Variants in NRSN2 observed in about 807,000 individuals in gnomAD.
NRSN2 encodes neurensin-2.
A neutral mutation model predicts 11.1 loss-of-function variants in NRSN2; 10 were observed. That is an observed-to-expected ratio of 0.90 (90% CI 0.56 to 1.53). The LOEUF (loss-of-function observed/expected upper bound fraction) is 1.53, where lower values mean the gene tolerates loss of function less well. Among genes scored for constraint, NRSN2 ranks in the 40% most tolerant of loss-of-function variants. The pLI, the probability that NRSN2 is intolerant of heterozygous loss-of-function variation, is 0.00. For synonymous variants in NRSN2, 100 were observed against 117.0 expected, an observed-to-expected ratio of 0.86 and a Z score of 0.94; for missense variants, 260 against 273.7, an observed-to-expected ratio of 0.95 and a Z score of 0.35.
At position 353,198 on chromosome 20, in the gene NRSN2, G is replaced by T; in HGVS notation, c.190-12G>T. 6.2e-7 allele frequency: 1 copy of T among 1,612,004 alleles called. No homozygotes were observed. Among genetic ancestry groups the T allele is most frequent in the Non-Finnish European group, 8.5e-7 (1 of 1,179,460 alleles). On this transcript the variant is annotated splice_polypyrimidine_tract_variant and intron_variant, in intron 4 of 4. Coordinates refer to ENST00000382285, the MANE Select transcript of NRSN2 (RefSeq NM_001323682.2). ...ACCCTGACTGCTTCCTGGTCTGTCTGCTTCTCCCTAGATCAGCCTGTCCTC... is the reference window on the plus strand; with the variant it reads ...ACCCTGACTGCTTCCTGGTCTGTCTTCTTCTCCCTAGATCAGCCTGTCCTC...
Position 353,813 on chromosome 20 carries a change from C to A in NRSN2, c.*178C>A. The A allele has an allele frequency of 1.6e-6, 1 of 620,272 alleles. No individual in the cohort carries two copies. The highest frequency in any genetic ancestry group is 3.3e-5 in the Admixed American group (1 of 30,714). The allele number at this position is 620,272 out of a possible 1,614,324, so 38.4% of individuals were successfully genotyped here. ...CCCCAGGAGTGGGGCCCCAACTCTT[C>A]CAAGATACCAGCATTCCTCAAGTCC... On this transcript the variant is annotated 3_prime_UTR_variant, in exon 5 of 5. Transcript: ENST00000382285.
intron 4 of NRSN2, among the ~76,000 whole-genome samples, chr20:350,830 C>T (rs924340122): frequency 2.0e-5 from 3 of 152,070 alleles, no homozygotes; most frequent in Non-Finnish European, 4.4e-5. Flanking sequence ...GTGCCCCTAC[C>T]CTGGTAGCCT....
intron 4 of NRSN2, 23 bp from the exon 5 acceptor site, chr20:353,187 C>T: frequency 6.2e-7 from 1 of 1,608,856 alleles, no homozygotes. Flanking sequence ...TGACTGCTTC[C>T]TGGTCTGTCT....
In NRSN2 at chr20:353,384, C is replaced by T. The variant is rs768279364; in HGVS notation, c.364C>T (p.Leu122Phe). The T allele has an allele frequency of 6.2e-7, 1 of 1,613,914 alleles. No individual in the cohort carries two copies. Reference sequence around the variant, plus strand: ...CACCTGTCGCCTGGCAGGCACAGCGCTCTGTGTGGCAGCTGGAGTTCTGCT... The same window carrying T: ...CACCTGTCGCCTGGCAGGCACAGCGTTCTGTGTGGCAGCTGGAGTTCTGCT... The part of the protein sequence containing the change: ...LGTCRLAGTA[L>F]CVAAGVLLAI... Residue 122 changes from leucine to phenylalanine, a missense_variant, in exon 5 of 5, where the codon CTC (leucine) becomes TTC (phenylalanine). Coordinates refer to ENST00000382285, the MANE Select transcript of NRSN2 (RefSeq NM_001323682.2).
rs1244527791 is a variant in NRSN2 at position 350,666 on chromosome 20, AAAAAAAAAAAG to A, written c.189+841_189+851del. ...TGTCTCAAAAAAAAAAAAAAAAAAA[AAAAAAAAAAAG>A]AAAAAAGAAGGGAAAATGTTGCTCA... is the stretch of plus-strand genomic sequence containing the variant. On this transcript the variant is annotated intron_variant, in intron 4 of 4. Coordinates refer to ENST00000382285, the MANE Select transcript of NRSN2 (RefSeq NM_001323682.2). 2.7e-3 allele frequency among the ~76,000 whole-genome samples: 327 copies of A among 120,666 alleles called. 11 individuals are homozygous for A. Among genetic ancestry groups the A allele is most frequent in the African/African-American group, 0.01 (317 of 30,472 alleles). 79.2% of individuals were successfully genotyped at this position (120,666 alleles called of 152,430 possible).
Position 347,593 on chromosome 20 carries a change from C to T in NRSN2, c.-122+81C>T, listed in dbSNP as rs1482094063. The T allele has an allele frequency of 1.3e-5, 2 of 152,352 alleles. No individual in the cohort carries two copies. Among genetic ancestry groups the T allele is most frequent in the African/African-American group, 4.8e-5 (2 of 41,452 alleles). 9.4% of individuals were successfully genotyped at this position (152,352 alleles called of 1,614,324 possible). ...TCCCCCCCGGGAGGGCGCCCCTTCT[C>T]CCCCGCCCGGGCAGCGCTGGACGCT... On this transcript the variant is annotated intron_variant, in intron 2 of 4. Transcript: ENST00000382285. The surrounding 1 kb of genome is among the most constrained non-coding windows in gnomAD (Gnocchi z 7.0).
At position 349,780 on chromosome 20, in the gene NRSN2, A is replaced by C. The variant is rs752274323; in HGVS notation, c.137A>C (p.Glu46Ala). 6.2e-7 allele frequency: 1 copy of C among 1,613,434 alleles called. No homozygotes were observed. The highest frequency in any genetic ancestry group is 8.5e-7 in the Non-Finnish European group (1 of 1,180,026). Residue 46 changes from glutamate (E) to alanine (A), a missense_variant, in exon 4 of 5, where the codon GAG becomes GCG. Physicochemically the swap from Glu to Ala is moderately radical, Grantham distance 107 (BLOSUM62 -1). Coordinates refer to ENST00000382285, the MANE Select transcript of NRSN2 (RefSeq NM_001323682.2). ...GGCACTGCTCTCAGCGACGACCCTG[A>C]GGGACCTCCGGTCCTGTGCCCCCGC... ...CAGTALSDDP[E>A]GPPVLCPRRP...
intron 4 of NRSN2, among the ~76,000 whole-genome samples, chr20:352,190 A>G (rs2014021460): frequency 6.6e-6 from 1 of 152,224 alleles, no homozygotes; most frequent in Admixed American, 6.5e-5. Flanking sequence ...AAAAATGTGA[A>G]GAATTGATGT....
chr20:349,518 G>T, intron 3 of NRSN2, 120 bp from the exon 4 acceptor site: 1 of 718,080 alleles, frequency 1.4e-6, no homozygotes, highest in Non-Finnish European at 2.3e-6. Flanking sequence ...ATGCGTGTAG[G>T]GTGTCTCGAG....
chr20:350,113 G>C (rs1292109433), intron 4 of NRSN2, among the ~76,000 whole-genome samples: 1 of 152,002 alleles, frequency 6.6e-6, no homozygotes, highest in African/African-American at 2.4e-5. Context: ...GCTGAGGTGG[G>C]CAGATCACCT....
Position 353,204 on chromosome 20 carries a change from C to T in NRSN2, c.190-6C>T, listed in dbSNP as rs769652144. On this transcript the variant is annotated splice_polypyrimidine_tract_variant and splice_region_variant and intron_variant, in intron 4 of 4. Transcript: ENST00000382285. The stretch of plus-strand genomic sequence containing the variant: ...ACTGCTTCCTGGTCTGTCTGCTTCT[C>T]CCTAGATCAGCCTGTCCTCGGGGAC... 2.8e-5 allele frequency: 45 copies of T among 1,613,116 alleles called. No individual in the cohort carries two copies. The highest frequency in any genetic ancestry group is 3.3e-4 in the Middle Eastern group (2 of 6,008).
Position 353,670 on chromosome 20 carries a change from C to A in NRSN2, c.*35C>A, listed in dbSNP as rs762169844. The A allele has an allele frequency of 6.8e-7, 1 of 1,476,360 alleles. No homozygotes were observed. Among genetic ancestry groups the A allele is most frequent in the Non-Finnish European group, 8.9e-7 (1 of 1,121,066 alleles). 91.5% of individuals were successfully genotyped at this position (1,476,360 alleles called of 1,614,324 possible). On this transcript the variant is annotated 3_prime_UTR_variant, in exon 5 of 5. Coordinates refer to ENST00000382285, the MANE Select transcript of NRSN2 (RefSeq NM_001323682.2). ...ATGGCCTAAGATGTGGGTCCTGGAT[C>A]CTTCCCCCCTTCTCACCATAACCCC...
rs2014157245 is a variant in NRSN2, at chr20:353,499, A to C, written c.479A>C (p.Glu160Ala). The C allele has an allele frequency of 8.7e-6, 14 of 1,614,150 alleles. No homozygotes were observed. Among genetic ancestry groups the C allele is most frequent in the Non-Finnish European group, 1.1e-5 (13 of 1,180,026 alleles). The change falls in exon 5 of 5, where the codon GAG becomes GCG. Residue 160 changes from glutamate to alanine, a missense_variant. Glu to Ala is a moderately radical substitution (Grantham distance 107). Transcript: ENST00000382285. ...PLDPEADSHV[E>A]VFGDEPEQQL... ...GACCCCGAAGCCGACAGCCACGTGG[A>C]GGTCTTCGGGGATGAGCCAGAGCAG...
At position 353,944 on chromosome 20, in the gene NRSN2, T is replaced by G; in HGVS notation, c.*309T>G. ...CCTCTGCATGACCTTGGGCAAACCC[T>G]TGCCCTTTCAAGCCATCAGCTCCTG... On this transcript the variant is annotated 3_prime_UTR_variant, in exon 5 of 5. Transcript: ENST00000382285. 1 of 391,656 alleles carries G rather than the reference T, an allele frequency of 2.6e-6. No individual in the cohort carries two copies. The highest frequency in any genetic ancestry group is 5.2e-5 in the East Asian group (1 of 19,158). The allele number at this position is 391,656 out of a possible 1,614,324, so 24.3% of individuals were successfully genotyped here.
At position 353,224 on chromosome 20, in the gene NRSN2, G is replaced by A. The variant is rs140098458; in HGVS notation, c.204G>A (p.Ser68=). The change falls in exon 5 of 5, where the codon TCG becomes TCA. Residue 68 remains serine, a synonymous_variant. Transcript: ENST00000382285. The stretch of plus-strand genomic sequence containing the variant: ...CTTCTCCCTAGATCAGCCTGTCCTC[G>A]GGGACCCTGCTTCTGCTGCTGGGTG... The part of the protein sequence containing the change: ...PSLCWKISLS[S]GTLLLLLGVA... 1.7e-5 allele frequency: 27 copies of A among 1,613,710 alleles called. No homozygotes were observed. Among genetic ancestry groups the A allele is most frequent in the African/African-American group, 1.5e-4 (11 of 74,858 alleles).
chr20:350,531 C>G (rs1217618749), intron 4 of NRSN2, among the ~76,000 whole-genome samples: 1 of 148,884 alleles, frequency 6.7e-6, no homozygotes, highest in Non-Finnish European at 1.5e-5. Flanking sequence ...GCCTGTAATC[C>G]CAGTTACTTA....
intron 4 of NRSN2, among the ~76,000 whole-genome samples, chr20:351,539 GA>G (rs1279255145): frequency 1.3e-5 from 2 of 151,988 alleles, no homozygotes; most frequent in Non-Finnish European, 2.9e-5. Flanking sequence ...GTCAAGAAAA[GA>G]AAAGAGAGAA....
chr20:349,495 G>A (rs573247495), intron 3 of NRSN2, 132 bp downstream of exon 3: 2 of 619,946 alleles, frequency 3.2e-6, no homozygotes, highest in Admixed American at 3.1e-5. Context: ...ATTCCAAAAG[G>A]CCAGACTGTG....
At position 347,800 on chromosome 20, in the gene NRSN2, T is replaced by C. The variant is rs995549642; in HGVS notation, c.-122+288T>C. Among the ~76,000 whole-genome samples the C allele has an allele frequency of 3.3e-5, 5 of 150,450 alleles. No individual in the cohort carries two copies. Among genetic ancestry groups the C allele is most frequent in the Non-Finnish European group, 7.4e-5 (5 of 67,560 alleles). ...CAGCGCAGCCCCCTCCGCCTCCCGC[T>C]CCCCTCCCACCGAGCTCCTCCCGGC... On this transcript the variant is annotated intron_variant, in intron 2 of 4. Transcript: ENST00000382285. This position sits in a 1 kb window ranked among gnomAD's most constrained non-coding sequence, Gnocchi z 7.0.
Sources: allele counts gnomAD v4.1 joint callset (sites outside exome capture counted in the v4.1 genomes callset), GRCh38; gene constraint gnomAD v4.1.1; non-coding constraint Gnocchi (gnomAD v3.1); transcripts MANE v1.5; gene names NCBI Gene and HGNC (gene_info 2026-07-23, HGNC 2026-07-21).